Variants in HNF4G observed in about 807,000 individuals in gnomAD.
The protein encoded by HNF4G is hepatocyte nuclear factor 4-gamma.
Under a neutral mutation model 50.9 loss-of-function variants are expected in HNF4G, and 21 were observed. That is an observed-to-expected ratio of 0.41 (90% confidence interval 0.29 to 0.59). HNF4G has a LOEUF of 0.59. Ranked by LOEUF, HNF4G falls within the 20% of genes least tolerant of loss-of-function variation. HNF4G has a pLI of 0.26. For missense variants in HNF4G, 527 were observed against 559.4 expected (o/e 0.94, Z 0.58); for synonymous variants, 198 against 185.6 (o/e 1.07, Z -0.54).
At chr8:75,541,801 T>A (rs1295962817) in intron 1 of HNF4G, among the ~76,000 whole-genome samples, 1 of 152,062 alleles carries the variant, frequency 6.6e-6, no homozygotes, top group Non-Finnish European at 1.5e-5. Context: ...ATTTAAAAAA[T>A]AATTATTCCT....
At chr8:75,555,920 C>A (rs1380296827) in intron 5 of HNF4G, 62 bp from the exon 6 acceptor site, 5 of 910,854 alleles carry the variant, frequency 5.5e-6, no homozygotes, top group South Asian at 2.1e-5. Flanking sequence ...TAACAAGACT[C>A]ATGTCATCTT....
At chr8:75,483,390 G>C (rs1032131621) in intron 1 of HNF4G, among the ~76,000 whole-genome samples, 2 of 151,964 alleles carry the variant, frequency 1.3e-5, no homozygotes, top group East Asian at 1.9e-4. Flanking sequence ...CTCTTTAACA[G>C]GGCTATTAAC....
At chr8:75,486,806 C>T (rs1192761084) in intron 1 of HNF4G, among the ~76,000 whole-genome samples, 1 of 152,074 alleles carries the variant, frequency 6.6e-6, no homozygotes, top group Non-Finnish European at 1.5e-5. Flanking sequence ...GAGTTTGAGA[C>T]CACCCGGGCA....
intron 3 of HNF4G, among the ~76,000 whole-genome samples, chr8:75,548,312 T>C (rs1247308724): frequency 6.6e-6 from 1 of 152,186 alleles, no homozygotes; most frequent in East Asian, 1.9e-4. Context: ...GTTGTTGTTC[T>C]CAATAACAAC....
At chr8:75,417,960 TACAC>T (rs144672882) in intron 1 of HNF4G, among the ~76,000 whole-genome samples, 2,188 of 148,830 alleles carry the variant, frequency 0.015, 18 homozygotes, top group Middle Eastern at 0.017. Flanking sequence ...TGTGTGTGTC[TACAC>T]ACACACACAC....
chr8:75,461,680 A>T (rs185301014), intron 1 of HNF4G, among the ~76,000 whole-genome samples: 36 of 152,046 alleles, frequency 2.4e-4, no homozygotes, highest in African/African-American at 7.7e-4. Context: ...ATGTCCCAAG[A>T]CCCCAAGTAG....
At chr8:75,487,717 T>G (rs1039873496) in intron 1 of HNF4G, among the ~76,000 whole-genome samples, 14 of 152,214 alleles carry the variant, frequency 9.2e-5, no homozygotes, top group African/African-American at 3.4e-4. Flanking sequence ...TTGTTCATGC[T>G]AATTAAGATG....
chr8:75,491,178 A>G (rs1221877973), intron 2 of HNF4G, among the ~76,000 whole-genome samples: 1 of 152,218 alleles, frequency 6.6e-6, no homozygotes, highest in Admixed American at 6.5e-5. Flanking sequence ...TAGTAATAAC[A>G]TCTATCCCAA....
At chr8:75,528,952 C>T (rs1394872101) in intron 2 of HNF4G, among the ~76,000 whole-genome samples, 3 of 152,048 alleles carry the variant, frequency 2.0e-5, no homozygotes, top group Non-Finnish European at 2.9e-5. Context: ...CACCTCCTGC[C>T]TGGCAGCAGG....
At chr8:75,455,052 A>G (rs1811687074) in intron 1 of HNF4G, among the ~76,000 whole-genome samples, 1 of 152,164 alleles carries the variant, frequency 6.6e-6, no homozygotes, top group African/African-American at 2.4e-5. Flanking sequence ...TCCTCACATC[A>G]TCCCTTTTGT....
At position 75,454,973 on chromosome 8, in the gene HNF4G, T is replaced by C. The variant is rs192907715; in HGVS notation, c.-143-35116T>C. Among the ~76,000 whole-genome samples, 294 of 152,338 alleles carry C rather than the reference T, an allele frequency of 1.9e-3. 1 individual carries two copies. Among genetic ancestry groups the C allele is most frequent in the African/African-American group, 6.8e-3 (283 of 41,580 alleles). On this transcript the variant is annotated intron_variant, in intron 1 of 10. Transcript: ENST00000354370. ...TATATAGAAACACACGTATATATGT[T>C]AGCATTTTGGAAGGAATGCTTGCCA...
intron 1 of HNF4G, among the ~76,000 whole-genome samples, chr8:75,475,572 T>A (rs1207228074): frequency 6.6e-6 from 1 of 152,182 alleles, no homozygotes; most frequent in African/African-American, 2.4e-5. Context: ...GGTACAAAGG[T>A]CCATCATTTA....
intron 1 of HNF4G, among the ~76,000 whole-genome samples, chr8:75,454,947 C>G (rs1811683896): frequency 6.6e-6 from 1 of 152,034 alleles, no homozygotes; most frequent in Admixed American, 6.6e-5. Context: ...AAGAAACACA[C>G]TATATAGAAA....
At chr8:75,554,028 A>G (rs183036436) in intron 5 of HNF4G, among the ~76,000 whole-genome samples, 8,682 of 151,950 alleles carry the variant, frequency 0.057, 300 homozygotes, top group Non-Finnish European at 0.08. Flanking sequence ...TAAATTAACC[A>G]TGGTAAGTGT....
At chr8:75,547,502 T>C in intron 2 of HNF4G, 85 bp from the exon 3 acceptor site, 1 of 957,604 alleles carries the variant, frequency 1.0e-6, no homozygotes, top group Non-Finnish European at 1.7e-6. Flanking sequence ...AATTTGACAA[T>C]ACATATTTAA....
At chr8:75,511,416 C>T (rs923989258) in intron 2 of HNF4G, among the ~76,000 whole-genome samples, 1 of 152,084 alleles carries the variant, frequency 6.6e-6, no homozygotes, top group African/African-American at 2.4e-5. Context: ...TTATCCTGGC[C>T]TCCTTGGGCC....
At position 75,560,463 on chromosome 8, in the gene HNF4G, AT is replaced by A; in HGVS notation, c.1244del (p.Ile415ThrfsTer22). 6.2e-7 allele frequency: 1 copy of A among 1,609,504 alleles called. No homozygotes were observed. Among genetic ancestry groups the A allele is most frequent in the Non-Finnish European group, 8.5e-7 (1 of 1,178,260 alleles). On this transcript the variant is annotated frameshift_variant and splice_region_variant, in exon 9 of 10. Transcript: ENST00000396423. LOFTEE classifies it high-confidence loss of function. The part of the protein sequence containing the change: ...PMSTLVHADQ[I>X]STPETPLPSP... Reference sequence around the variant, plus strand: ...GTCAACACTGGTTCATGCAGACCAGATCTGTAAGTTTATAGACTACTTTTCA... The same window carrying A: ...GTCAACACTGGTTCATGCAGACCAGACTGTAAGTTTATAGACTACTTTTCA...
intron 2 of HNF4G, among the ~76,000 whole-genome samples, chr8:75,490,437 G>GT (rs1812598946): frequency 2.0e-5 from 3 of 152,010 alleles, no homozygotes; most frequent in Non-Finnish European, 4.4e-5. Flanking sequence ...TTTGTCATTG[G>GT]TTTTTATTTC....
intron 2 of HNF4G, among the ~76,000 whole-genome samples, chr8:75,545,909 C>G (rs1447006926): frequency 6.6e-6 from 1 of 151,932 alleles, no homozygotes; most frequent in Admixed American, 6.6e-5. Flanking sequence ...GTGTTTTTGT[C>G]AATCTGGTCC....
Sources: allele counts gnomAD v4.1 joint callset (sites outside exome capture counted in the v4.1 genomes callset), GRCh38; gene constraint gnomAD v4.1.1; transcripts MANE v1.5; gene names NCBI Gene and HGNC (gene_info 2026-07-23, HGNC 2026-07-21).